Variants in TXNDC11 observed in about 807,000 individuals in gnomAD.
TXNDC11 encodes thioredoxin domain-containing protein 11.
In TXNDC11, 68 loss-of-function variants were observed where a neutral mutation model predicts 78.0. The observed-to-expected ratio is 0.87, with a 90% CI of 0.72 to 1.07. The LOEUF (loss-of-function observed/expected upper bound fraction) is 1.07. Ranked by LOEUF, TXNDC11 falls within the 50% of genes least tolerant of loss-of-function variation. The pLI, the probability that TXNDC11 is intolerant of heterozygous loss-of-function variation, is 0.00. For synonymous variants in TXNDC11, 571 were observed against 495.2 expected (o/e 1.15, Z -2.03); for missense variants, 1,389 against 1,221.8 (o/e 1.14, Z -2.04).
At chr16:11,692,232 CG>C (rs1418401426) in intron 7 of TXNDC11, 150 bp from the exon 8 acceptor site, 2 of 677,554 alleles carry the variant, frequency 3.0e-6, no homozygotes, top group East Asian at 2.8e-5. Context: ...ATAAACAAGT[CG>C]TAAGTTTTAA....
At chr16:11,728,673 T>C (rs1400853750) in intron 4 of TXNDC11, among the ~76,000 whole-genome samples, 12 of 152,188 alleles carry the variant, frequency 7.9e-5, no homozygotes, top group Admixed American at 7.9e-4. Flanking sequence ...GGGCTGGGCA[T>C]GATGGCTCAC....
At chr16:11,720,182 A>G (rs1268373388) in intron 5 of TXNDC11, among the ~76,000 whole-genome samples, 2 of 152,210 alleles carry the variant, frequency 1.3e-5, no homozygotes, top group African/African-American at 4.8e-5. Context: ...ATGACCTTTC[A>G]CTTAAAAACC....
In TXNDC11 at chr16:11,691,427, T is replaced by A. The variant is rs2050710907; in HGVS notation, c.1763A>T (p.Asn588Ile). Residue 588 changes from asparagine (N) to isoleucine (I), a missense_variant, in exon 8 of 12, where the codon AAT (asparagine) becomes ATT (isoleucine). Physicochemically the swap from Asn to Ile is moderately radical, Grantham distance 149 (BLOSUM62 -3). Transcript: ENST00000283033. Reference sequence around the variant, plus strand: ...TCTCTCTGCATATAACCAAAACAAATTTGAATCCAAAAGGTAGATGTTGAG... The same window carrying A: ...TCTCTCTGCATATAACCAAAACAAAATTGAATCCAAAAGGTAGATGTTGAG... ...KTLNIYLLDS[N>I]LFWLYAERLG... 1 of 1,614,086 alleles carries A rather than the reference T, an allele frequency of 6.2e-7. No individual in the cohort carries two copies. The highest frequency in any genetic ancestry group is 8.5e-7 in the Non-Finnish European group (1 of 1,180,042).
chr16:11,698,241 G>A lies in TXNDC11; in HGVS notation c.991C>T (p.Leu331=). 6.2e-7 allele frequency: 1 copy of A among 1,614,224 alleles called. No homozygotes were observed. ...LENQETLFRW[L]RPHGGKSLLL... is the part of the protein sequence containing the mutation. ...AGACTCTTGCCTCCGTGTGGCCGCA[G>A]CCACCGAAAGAGCGTCTCCTGGTTT... Residue 331 remains leucine, a synonymous_variant, in exon 7 of 12, where the codon CTG becomes TTG. Transcript: ENST00000283033.
chr16:11,702,092 G>A (rs938527297), intron 5 of TXNDC11, among the ~76,000 whole-genome samples: 3 of 144,334 alleles, frequency 2.1e-5, no homozygotes, highest in Admixed American at 1.4e-4. Flanking sequence ...GTATGTATGT[G>A]TATATATATA....
chr16:11,720,684 T>C (rs1035966275), intron 5 of TXNDC11, among the ~76,000 whole-genome samples: 2 of 151,898 alleles, frequency 1.3e-5, no homozygotes, highest in African/African-American at 4.8e-5. Flanking sequence ...TCCAAAGTGT[T>C]GGGATTACAG....
intron 6 of TXNDC11, among the ~76,000 whole-genome samples, chr16:11,698,963 G>C (rs1308660739): frequency 6.6e-6 from 1 of 152,110 alleles, no homozygotes; most frequent in African/African-American, 2.4e-5. Flanking sequence ...TTTTTGCTTT[G>C]TTTTGCTATA....
At chr16:11,685,565 C>T (rs1001736185) in intron 10 of TXNDC11, among the ~76,000 whole-genome samples, 1 of 151,754 alleles carries the variant, frequency 6.6e-6, no homozygotes, top group Admixed American at 6.6e-5. Context: ...AGGAGAATGG[C>T]GTGAACCCGG....
At chr16:11,683,670 CT>C (rs1427532190) in intron 11 of TXNDC11, among the ~76,000 whole-genome samples, 2 of 151,920 alleles carry the variant, frequency 1.3e-5, no homozygotes, top group Non-Finnish European at 2.9e-5. Flanking sequence ...AAGAGATAGA[CT>C]GGGAAAAACA....
At position 11,742,546 on chromosome 16, in the gene TXNDC11, C is replaced by A. The variant is rs1392303076; in HGVS notation, c.185G>T (p.Arg62Leu). ...CACGGCCCCGCAGAGCAGCTCCGGC[C>A]GCTGGCGCGCCATGAGGAAGGCGCC... ...LRGAFLMARQ[R>L]PELLCGAVAL... Residue 62 changes from arginine (R) to leucine (L), a missense_variant, in exon 1 of 12, where the codon CGG becomes CTG. Physicochemically the swap from Arg to Leu is moderately radical, Grantham distance 102. Coordinates refer to ENST00000283033, the MANE Select transcript of TXNDC11 (RefSeq NM_015914.7). 1.4e-6 allele frequency: 2 copies of A among 1,455,838 alleles called. No individual in the cohort carries two copies. The highest frequency in any genetic ancestry group is 9.0e-7 in the Non-Finnish European group (1 of 1,111,300). The allele number at this position is 1,455,838 out of a possible 1,614,324, so 90.2% of individuals were successfully genotyped here. A position where few individuals can be genotyped will look rare whatever the true frequency, so the allele number is the denominator to read the frequency against.
In TXNDC11 at chr16:11,679,814, G is replaced by A. The variant is rs1193611507; in HGVS notation, c.2258C>T (p.Pro753Leu). 2 of 1,612,990 alleles carry A rather than the reference G, an allele frequency of 1.2e-6. No homozygotes were observed. Among genetic ancestry groups the A allele is most frequent in the Non-Finnish European group, 1.7e-6 (2 of 1,179,132 alleles). The change falls in exon 12 of 12, where the codon CCC becomes CTC. Residue 753 changes from proline (P) to leucine (L), a missense_variant. Pro to Leu is a moderately conservative substitution (Grantham distance 98). Transcript: ENST00000283033. This position sits in a 1 kb window ranked among gnomAD's most constrained non-coding sequence, Gnocchi z 4.6. ...CNRKDLSVKYPEDVPITLPNL... is the reference protein window; with the variant it reads ...CNRKDLSVKYLEDVPITLPNL... ...TGGAAGGGTGATGGGGACGTCTTCGGGGTATTTCACACTTAGGTCCTTTCT... is the reference window on the plus strand; with the variant it reads ...TGGAAGGGTGATGGGGACGTCTTCGAGGTATTTCACACTTAGGTCCTTTCT...
At position 11,679,569 on chromosome 16, in the gene TXNDC11, C is replaced by T. The variant is rs1191713276; in HGVS notation, c.2503G>A (p.Glu835Lys). 1 of 1,613,966 alleles carries T rather than the reference C, an allele frequency of 6.2e-7. No individual in the cohort carries two copies. Among genetic ancestry groups the T allele is most frequent in the South Asian group, 1.1e-5 (1 of 91,072 alleles). Residue 835 changes from glutamate to lysine, a missense_variant, in exon 12 of 12, where the codon GAG becomes AAG. Transcript: ENST00000283033. This position sits in a 1 kb window ranked among gnomAD's most constrained non-coding sequence, Gnocchi z 4.6. ...CGCTGCTGCTGCCGCAGCCGGTGCT[C>T]ATCTCTGCGGGCACTGGAGAGCTGG... ...ESQLSSARRDEHRLRQQQRAL... is the reference protein window; with the variant it reads ...ESQLSSARRDKHRLRQQQRAL...
chr16:11,685,950 G>C (rs1282766004), intron 10 of TXNDC11, among the ~76,000 whole-genome samples: 1 of 151,976 alleles, frequency 6.6e-6, no homozygotes, highest in African/African-American at 2.4e-5. Context: ...CTGCAGGCTT[G>C]GTCTATATGC....
chr16:11,710,178 C>G (rs2051307306), intron 5 of TXNDC11, among the ~76,000 whole-genome samples: 1 of 147,942 alleles, frequency 6.8e-6, no homozygotes, highest in African/African-American at 2.5e-5. Context: ...GAAAAACTTC[C>G]CTTGTATGCA....
intron 7 of TXNDC11, 22 bp from the exon 8 acceptor site, chr16:11,692,104 G>C (rs749070877): frequency 6.6e-7 from 1 of 1,511,848 alleles, no homozygotes; most frequent in Non-Finnish European, 8.9e-7. Context: ...GGCAGAGTTG[G>C]TGAAGGGCTT....
intron 5 of TXNDC11, among the ~76,000 whole-genome samples, chr16:11,714,512 C>G (rs1024754312): frequency 6.6e-6 from 1 of 151,948 alleles, no homozygotes; most frequent in African/African-American, 2.4e-5. Flanking sequence ...TGGTGGCGGG[C>G]GCCTGTAGTC....
At chr16:11,696,548 A>T (rs926994674) in intron 7 of TXNDC11, among the ~76,000 whole-genome samples, 2 of 152,228 alleles carry the variant, frequency 1.3e-5, no homozygotes, top group Non-Finnish European at 2.9e-5. Flanking sequence ...GACCTGAAAC[A>T]AAAAGGGAAA....
intron 5 of TXNDC11, among the ~76,000 whole-genome samples, chr16:11,706,891 A>C (rs775905329): frequency 3.9e-5 from 6 of 152,170 alleles, no homozygotes; most frequent in Non-Finnish European, 8.8e-5. Flanking sequence ...GCGTGGGTCC[A>C]CTTACATGCA....
intron 7 of TXNDC11, among the ~76,000 whole-genome samples, chr16:11,694,571 C>A (rs1232760587): frequency 6.6e-6 from 1 of 152,048 alleles, no homozygotes; most frequent in Non-Finnish European, 1.5e-5. Context: ...CCTCAGCCTC[C>A]CAAGTAGCTG....
Sources: gnomAD v4.1 joint callset for allele counts (sites outside exome capture counted in the v4.1 genomes callset) on GRCh38, gnomAD v4.1.1 for gene constraint, Gnocchi (gnomAD v3.1) non-coding constraint, MANE v1.5 for transcripts, NCBI Gene and HGNC (gene_info 2026-07-23, HGNC 2026-07-21) for gene names.